TUB: variants seen among roughly 807,000 people sequenced by gnomAD.
TUB encodes TUB bipartite transcription factor, also known as tubby protein homolog.
A neutral mutation model predicts 59.7 loss-of-function variants in TUB; 33 were observed. The ratio of observed to expected loss-of-function variants is 0.55; its 90% CI spans 0.42 to 0.74. TUB has a LOEUF of 0.74. Among genes scored for constraint, TUB ranks in the 30% least tolerant of loss-of-function variants. The pLI is 0.00. For missense variants in TUB, 659 were observed against 672.0 expected (o/e 0.98, Z 0.21); for synonymous variants, 293 against 256.4 (o/e 1.14, Z -1.36).
chr11:8,059,033 T>TAGTCCCAA (rs1406463881), intron 2 of TUB, among the ~76,000 whole-genome samples: 10 of 152,182 alleles, frequency 6.6e-5, no homozygotes, highest in African/African-American at 1.9e-4. Context: ...CCATTACACA[T>TAGTCCCAA]AGTCCCAACA....
intron 1 of TUB, among the ~76,000 whole-genome samples, chr11:8,022,850 G>A (rs11041714): frequency 0.33 from 49,798 of 152,010 alleles, 8,582 homozygotes; most frequent in East Asian, 0.52. Context: ...AGTGGAGATC[G>A]TGCCACTGCA....
At position 8,100,566 on chromosome 11, in the gene TUB, A is replaced by T; in HGVS notation, c.1180A>T (p.Met394Leu). Residue 394 changes from methionine to leucine, a missense_variant, in exon 10 of 12, where the codon ATG becomes TTG. Physicochemically the swap from Met to Leu is conservative, Grantham distance 15 (BLOSUM62 2). This residue lies in a region of TUB where 226 missense variants were observed against 210.8 expected (regional missense o/e 1.07). Transcript: ENST00000299506. Reference protein sequence around the residue: ...KMSVIVPGMNMVHERVSIRPR... With the variant: ...KMSVIVPGMNLVHERVSIRPR... ...GAGCGTGATTGTCCCAGGCATGAAC[A>T]TGGTTCATGAGAGAGTCTCTATCCG... The T allele has an allele frequency of 6.2e-7, 1 of 1,614,120 alleles. No homozygotes were observed. The highest frequency in any genetic ancestry group is 8.5e-7 in the Non-Finnish European group (1 of 1,179,998).
chr11:8,070,698 T>C (rs1455451747), intron 2 of TUB, among the ~76,000 whole-genome samples: 1 of 152,180 alleles, frequency 6.6e-6, no homozygotes, highest in Non-Finnish European at 1.5e-5. Flanking sequence ...GTCTCAGCCA[T>C]AGGGCTTTGG....
rs1944490549 is a variant in TUB at position 8,105,079 on chromosome 11, G to A, written c.*3460G>A. On this transcript the variant is annotated 3_prime_UTR_variant, in exon 12 of 12. Coordinates refer to ENST00000299506, the MANE Select transcript of TUB (RefSeq NM_177972.3). ...CTTTGCTTACAATGGAGTCTGCAGTGAGGGGAGATGCTGGGATAGCCATTT... is the reference window on the plus strand; with the variant it reads ...CTTTGCTTACAATGGAGTCTGCAGTAAGGGGAGATGCTGGGATAGCCATTT... 1 of 152,244 alleles carries A rather than the reference G, an allele frequency of 6.6e-6. No homozygotes were observed. The highest frequency in any genetic ancestry group is 2.4e-5 in the African/African-American group (1 of 41,460). The allele number at this position is 152,244 out of a possible 1,614,324, so 9.4% of individuals were successfully genotyped here. A position where few individuals can be genotyped will look rare whatever the true frequency, so the allele number is the denominator to read the frequency against.
intron 11 of TUB, 147 bp downstream of exon 11, chr11:8,101,144 C>A: frequency 9.8e-7 from 1 of 1,015,396 alleles, no homozygotes; most frequent in Non-Finnish European, 1.4e-6. Context: ...AACTTTCTAA[C>A]CCTAATGACT....
intron 1 of TUB, among the ~76,000 whole-genome samples, chr11:8,021,741 C>A (rs893322375): frequency 6.6e-6 from 1 of 151,500 alleles, no homozygotes; most frequent in Non-Finnish European, 1.5e-5. Flanking sequence ...CGGTGAAACC[C>A]CGTCTCTAAT....
chr11:8,022,622 G>A (rs1942445804), intron 1 of TUB, among the ~76,000 whole-genome samples: 1 of 152,178 alleles, frequency 6.6e-6, no homozygotes, highest in South Asian at 2.1e-4. Context: ...AGGCGCGGTG[G>A]CTCAGGCCTG....
At chr11:8,067,680 A>G (rs970875960) in intron 2 of TUB, 2 of 152,294 alleles carry the variant, frequency 1.3e-5, no homozygotes, top group African/African-American at 2.4e-5. Flanking sequence ...AGGAGCTTCT[A>G]TGCTGGATTC....
At chr11:8,083,453 C>T (rs1384809130) in intron 1 of TUB, among the ~76,000 whole-genome samples, 1 of 152,118 alleles carries the variant, frequency 6.6e-6, no homozygotes, top group Non-Finnish European at 1.5e-5. Context: ...ATGCCTCAAA[C>T]GGAATGGCTT....
chr11:8,094,039 T>C lies in TUB; in HGVS notation c.254-7T>C, dbSNP rs951341039. 2 of 1,614,148 alleles carry C rather than the reference T, an allele frequency of 1.2e-6. No homozygotes were observed. Among genetic ancestry groups the C allele is most frequent in the Admixed American group, 3.3e-5 (2 of 60,028 alleles). ...TCTCTCTCCATCTGGGGATGTTTCC[T>C]GAGCAGTTCAAGAGGCCGACTCACT... On this transcript the variant is annotated splice_region_variant and splice_polypyrimidine_tract_variant and intron_variant, in intron 3 of 11. Coordinates refer to ENST00000299506, the MANE Select transcript of TUB (RefSeq NM_177972.3).
In TUB at chr11:8,045,163, C is replaced by T. The variant is rs528135169; in HGVS notation, c.203+5471C>T. 3.3e-5 allele frequency among the ~76,000 whole-genome samples: 5 copies of T among 152,126 alleles called. No individual in the cohort carries two copies. The South Asian group carries it at 1.0e-3, about 32-fold the overall frequency. On this transcript the variant is annotated intron_variant, in intron 2 of 12. Coordinates refer to the TUB transcript ENST00000305253. ...TCACATGGTTGGTTCCTTTGGCAGCCAGCCTCCATCATTAAGCTATCTAGG... is the reference window on the plus strand; with the variant it reads ...TCACATGGTTGGTTCCTTTGGCAGCTAGCCTCCATCATTAAGCTATCTAGG...
chr11:8,065,904 C>T (rs1209751662), intron 2 of TUB, among the ~76,000 whole-genome samples: 1 of 152,226 alleles, frequency 6.6e-6, no homozygotes, highest in East Asian at 1.9e-4. Flanking sequence ...GTAGGAGGTC[C>T]ACACATACAT....
rs747213274 is a variant in TUB, at chr11:8,097,416, T to C, written c.876T>C (p.Asp292=). Residue 292 remains aspartate, a synonymous_variant, in exon 7 of 12, where the codon GAT becomes GAC. Coordinates refer to ENST00000299506, the MANE Select transcript of TUB (RefSeq NM_177972.3). ...PTYFLHLDRE[D]GKKVFLLAGR... is the part of the protein sequence containing the mutation. ...ACTTTCTGCACCTGGACCGTGAGGA[T>C]GGGAAGAAGGTAAGGTTGGTCTGGG... 28 of 1,614,148 alleles carry C rather than the reference T, an allele frequency of 1.7e-5. No individual in the cohort carries two copies. The highest frequency in any genetic ancestry group is 2.2e-5 in the Non-Finnish European group (26 of 1,180,016).
chr11:8,049,336 G>A lies in TUB; in HGVS notation c.203+9644G>A, dbSNP rs377037780. Among the ~76,000 whole-genome samples, 42 of 152,228 alleles carry A rather than the reference G, an allele frequency of 2.8e-4. No homozygotes were observed. In the East Asian group the frequency reaches 4.8e-3, roughly 17 times the overall value. On this transcript the variant is annotated intron_variant, in intron 2 of 12. Transcript: ENST00000305253. ...GCTATTTTAGAACTTGAAGGGTGCC[G>A]TATTGGAGGCCATCCTAGACCAACT...
intron 2 of TUB, among the ~76,000 whole-genome samples, chr11:8,064,808 CAG>C (rs1491309807): frequency 6.6e-6 from 1 of 152,178 alleles, no homozygotes; most frequent in African/African-American, 2.4e-5. Context: ...GACAGTAAGT[CAG>C]GGCAGACATG....
chr11:8,061,176 G>A (rs1050084911), intron 2 of TUB, among the ~76,000 whole-genome samples: 1 of 152,328 alleles, frequency 6.6e-6, no homozygotes, highest in East Asian at 1.9e-4. Flanking sequence ...CTCTGAACAG[G>A]ACAAAGCACA....
At chr11:8,031,536 A>G (rs368771440) in intron 1 of TUB, among the ~76,000 whole-genome samples, 4 of 152,192 alleles carry the variant, frequency 2.6e-5, no homozygotes, top group African/African-American at 9.6e-5. Flanking sequence ...CCTCCCTGCC[A>G]GGCCCAACCC....
intron 1 of TUB, among the ~76,000 whole-genome samples, chr11:8,026,094 G>A (rs922544149): frequency 6.6e-6 from 1 of 152,054 alleles, no homozygotes; most frequent in Non-Finnish European, 1.5e-5. Context: ...GTGCTTATTT[G>A]CTATCCATAT....
At chr11:8,096,957 C>T (rs922197012) in intron 6 of TUB, 151 bp downstream of exon 6, 103 of 961,850 alleles carry the variant, frequency 1.1e-4, no homozygotes, top group Non-Finnish European at 1.5e-4. Flanking sequence ...ACCTCTTCAG[C>T]TAGGCCAGCA....
Sources: gnomAD v4.1 joint callset for allele counts (sites outside exome capture counted in the v4.1 genomes callset) on GRCh38, gnomAD v4.1.1 for gene constraint, gnomAD v4.1.1 regional missense constraint, MANE v1.5 for transcripts, NCBI Gene and HGNC (gene_info 2026-07-23, HGNC 2026-07-21) for gene names.